Variants in PPP2R2B observed in about 807,000 individuals in gnomAD.
PPP2R2B encodes protein phosphatase 2 regulatory subunit Bbeta.
PPP2R2B carries 5 observed loss-of-function variants against 46.0 expected under a neutral mutation model. That is an observed-to-expected ratio of 0.11 (90% CI 0.06 to 0.23). The LOEUF is 0.23. Ranked by LOEUF, PPP2R2B falls within the 10% of genes least tolerant of loss-of-function variation. The pLI is 1.00. For synonymous variants in PPP2R2B, 215 were observed against 206.7 expected (o/e 1.04, Z -0.34); for missense variants, 367 against 575.0 (o/e 0.64, Z 3.70).
chr5:147,007,378 G>A (rs1247622667), intron 1 of PPP2R2B, among the ~76,000 whole-genome samples: 1 of 152,050 alleles, frequency 6.6e-6, no homozygotes, highest in East Asian at 1.9e-4. Flanking sequence ...GCACCAATCA[G>A]CACTCTGTAA....
chr5:146,795,454 A>T (rs530561124), intron 2 of PPP2R2B, among the ~76,000 whole-genome samples: 1 of 152,158 alleles, frequency 6.6e-6, no homozygotes, highest in African/African-American at 2.4e-5. Context: ...ATACTGCATG[A>T]TCTCACTTAT....
intron 7 of PPP2R2B, among the ~76,000 whole-genome samples, chr5:146,631,522 A>G (rs78676518): frequency 0.016 from 2,368 of 152,226 alleles, 77 homozygotes; most frequent in African/African-American, 0.052. Context: ...TCAAGGTATC[A>G]CTTTTACTAT....
Position 146,583,976 on chromosome 5 carries a change from C to T in PPP2R2B, c.*5971G>A, listed in dbSNP as rs1486202398. On this transcript the variant is annotated 3_prime_UTR_variant, in exon 10 of 10. Coordinates refer to ENST00000394411, the MANE Select transcript of PPP2R2B (RefSeq NM_181675.4). The stretch of plus-strand genomic sequence containing the variant: ...AAGAAGTGTCCTCTCCACTCTTTCT[C>T]AAACCAAATACAGCAGCCAAAATGA... 1 of 152,202 alleles carries T rather than the reference C, an allele frequency of 6.6e-6. No homozygotes were observed. The highest frequency in any genetic ancestry group is 2.4e-5 in the African/African-American group (1 of 41,448). The allele number at this position is 152,202 out of a possible 1,614,324, so 9.4% of individuals were successfully genotyped here.
Position 147,009,898 on chromosome 5 carries a change from C to CACACACAT in PPP2R2B, c.79+45766_79+45767insATGTGTGT, listed in dbSNP as rs781463815. 5.9e-3 allele frequency among the ~76,000 whole-genome samples: 856 copies of CACACACAT among 145,576 alleles called. 7 individuals are homozygous for CACACACAT. Among genetic ancestry groups the CACACACAT allele is most frequent in the African/African-American group, 0.015 (575 of 38,900 alleles). ...ACACACACACACACACACACACACACATATATATATAGGACCTGGAGATAA... is the reference window on the plus strand; with the variant it reads ...ACACACACACACACACACACACACACACACACATATATATATATAGGACCTGGAGATAA... On this transcript the variant is annotated intron_variant, in intron 1 of 8. Transcript: ENST00000336640.
chr5:146,594,028 T>C (rs976431752), intron 8 of PPP2R2B, among the ~76,000 whole-genome samples: 5 of 152,086 alleles, frequency 3.3e-5, no homozygotes, highest in Admixed American at 1.3e-4. Context: ...AACTCTGAGG[T>C]GTGGAGAGAA....
chr5:146,932,643 G>A (rs1264027704), intron 1 of PPP2R2B, among the ~76,000 whole-genome samples: 1 of 152,050 alleles, frequency 6.6e-6, no homozygotes, highest in African/African-American at 2.4e-5. Context: ...AAAGTGTTGG[G>A]TATGTCTTTA....
chr5:146,608,973 A>G (rs190326736), intron 7 of PPP2R2B, among the ~76,000 whole-genome samples: 8 of 152,356 alleles, frequency 5.3e-5, no homozygotes, highest in Middle Eastern at 3.4e-3. Context: ...ACAAAGATAT[A>G]TCAAGAGAAC....
chr5:146,901,277 A>T (rs1405872102), intron 1 of PPP2R2B, among the ~76,000 whole-genome samples: 2 of 152,136 alleles, frequency 1.3e-5, no homozygotes, highest in East Asian at 3.9e-4. Flanking sequence ...ATGTGGGAGG[A>T]TCCCTTGAGC....
intron 2 of PPP2R2B, among the ~76,000 whole-genome samples, chr5:147,074,015 G>A (rs537542489): frequency 4.7e-5 from 7 of 149,340 alleles, no homozygotes; most frequent in Admixed American, 1.3e-4. Flanking sequence ...CAGCCTGGGC[G>A]ACATAGTGAG....
intron 7 of PPP2R2B, among the ~76,000 whole-genome samples, chr5:146,628,902 A>G (rs1774238073): frequency 6.6e-6 from 1 of 152,160 alleles, no homozygotes; most frequent in African/African-American, 2.4e-5. Context: ...GTCTTCTCTC[A>G]GCTTACATGT....
chr5:146,667,332 G>T (rs3096087), intron 5 of PPP2R2B, among the ~76,000 whole-genome samples: 1 of 32,012 alleles, frequency 3.1e-5, no homozygotes, highest in African/African-American at 9.3e-5. Flanking sequence ...GCGTGCGCGC[G>T]CACACACACA....
At chr5:146,651,951 C>A (rs573916836) in intron 5 of PPP2R2B, among the ~76,000 whole-genome samples, 9 of 152,242 alleles carry the variant, frequency 5.9e-5, no homozygotes, top group East Asian at 3.9e-4. Context: ...TAAATCAAAT[C>A]AATGATTCAG....
At chr5:146,616,252 T>C (rs1388404531) in intron 7 of PPP2R2B, among the ~76,000 whole-genome samples, 1 of 152,192 alleles carries the variant, frequency 6.6e-6, no homozygotes, top group Non-Finnish European at 1.5e-5. Flanking sequence ...GATTGAAGAC[T>C]TAAATCTAAG....
chr5:147,038,804 C>T (rs2151895658), intron 1 of PPP2R2B, among the ~76,000 whole-genome samples: 1 of 152,218 alleles, frequency 6.6e-6, no homozygotes, highest in Middle Eastern at 3.4e-3. Context: ...TAGAAAAATC[C>T]AGGATTGAAC....
intron 2 of PPP2R2B, among the ~76,000 whole-genome samples, chr5:146,762,744 A>G (rs1304001687): frequency 6.6e-6 from 1 of 152,198 alleles, no homozygotes; most frequent in East Asian, 1.9e-4. Flanking sequence ...ACTCATAGGA[A>G]TGAAGACAGG....
intron 5 of PPP2R2B, among the ~76,000 whole-genome samples, chr5:146,668,815 G>T (rs1022666252): frequency 2.6e-5 from 4 of 152,108 alleles, no homozygotes; most frequent in African/African-American, 9.7e-5. Flanking sequence ...ACTGCTTTCT[G>T]ACCTCTTTGC....
intron 1 of PPP2R2B, among the ~76,000 whole-genome samples, chr5:146,928,422 C>T (rs1485066205): frequency 6.6e-6 from 1 of 151,832 alleles, no homozygotes; most frequent in African/African-American, 2.4e-5. Context: ...AGGCTTTTTC[C>T]ATCTTGATTG....
intron 1 of PPP2R2B, among the ~76,000 whole-genome samples, chr5:147,047,701 A>G (rs1756607636): frequency 6.6e-6 from 1 of 152,132 alleles, no homozygotes; most frequent in Non-Finnish European, 1.5e-5. Flanking sequence ...TATTAGGTAG[A>G]TGTTTTAGCC....
rs574378507 is a variant in PPP2R2B at position 146,809,591 on chromosome 5, T to C, written c.70+68411A>G. On this transcript the variant is annotated intron_variant, in intron 2 of 9. Coordinates refer to ENST00000394411, the MANE Select transcript of PPP2R2B (RefSeq NM_181675.4). Reference sequence around the variant, plus strand: ...GAGGAAATGACGTATCAGCTAAAACTGGAAGGACGAAGCAGCTAGCCTGCA... The same window carrying C: ...GAGGAAATGACGTATCAGCTAAAACCGGAAGGACGAAGCAGCTAGCCTGCA... 7.0e-4 allele frequency among the ~76,000 whole-genome samples: 106 copies of C among 152,174 alleles called. 1 individual carries two copies. The highest frequency in any genetic ancestry group is 6.8e-3 in the Middle Eastern group (2 of 294).
Sources: allele counts gnomAD v4.1 joint callset (sites outside exome capture counted in the v4.1 genomes callset), GRCh38; gene constraint gnomAD v4.1.1; transcripts MANE v1.5; gene names NCBI Gene and HGNC (gene_info 2026-07-23, HGNC 2026-07-21).